Variants in LSM11 observed in about 807,000 individuals in gnomAD.
LSM11 encodes the protein U7 snRNA-associated Sm-like protein LSm11.
Under a neutral mutation model 28.1 loss-of-function variants are expected in LSM11, and 14 were observed. That is an observed-to-expected ratio of 0.50 (90% confidence interval 0.33 to 0.78). The LOEUF (loss-of-function observed/expected upper bound fraction) is 0.78, where lower values mean the gene tolerates loss of function less well. LSM11 is among the 30% of genes least tolerant of loss of function. The pLI is 0.02. For missense variants in LSM11, 495 were observed against 510.6 expected, an observed-to-expected ratio of 0.97 and a Z score of 0.30; for synonymous variants, 207 against 214.2, an observed-to-expected ratio of 0.97 and a Z score of 0.30.
intron 2 of LSM11, among the ~76,000 whole-genome samples, chr5:157,753,310 T>C (rs1184664787): frequency 6.9e-6 from 1 of 144,636 alleles, no homozygotes; most frequent in Non-Finnish European, 1.5e-5. Context: ...TGTTTTATTA[T>C]GATCTTTTTA....
At chr5:157,746,484 A>G (rs937538679) in intron 1 of LSM11, among the ~76,000 whole-genome samples, 4 of 152,256 alleles carry the variant, frequency 2.6e-5, no homozygotes, top group Non-Finnish European at 5.9e-5. Context: ...TGGAATGTTT[A>G]TGAAAAAACA....
chr5:157,755,471 A>C lies in LSM11; in HGVS notation c.*207A>C. ...CAGGCGTTTGCATTAATATCAAGGC[A>C]AAAAGCATTCATAGATACATGCATC... is the stretch of plus-strand genomic sequence containing the variant. On this transcript the variant is annotated 3_prime_UTR_variant, in exon 4 of 4. Transcript: ENST00000286307. 9 of 591,156 alleles carry C rather than the reference A, an allele frequency of 1.5e-5. No homozygotes were observed. The highest frequency in any genetic ancestry group is 2.7e-5 in the Non-Finnish European group (9 of 337,212). 36.6% of individuals were successfully genotyped at this position (591,156 alleles called of 1,614,324 possible).
chr5:157,743,906 C>T lies in LSM11; in HGVS notation c.156C>T (p.Cys52=), dbSNP rs1356191617. 3.3e-6 allele frequency: 5 copies of T among 1,522,884 alleles called. No homozygotes were observed. The highest frequency in any genetic ancestry group is 4.4e-6 in the Non-Finnish European group (5 of 1,134,978). The allele number at this position is 1,522,884 out of a possible 1,614,324, so 94.3% of individuals were successfully genotyped here. ...CCATTCCCTACCCCAATGCCCCCTG[C>T]TTCAACAACGTGGCGGAGTACGAGA... is the stretch of plus-strand genomic sequence containing the variant. ...LPPIPYPNAP[C]FNNVAEYESF... is the part of the protein sequence containing the mutation. The change falls in exon 1 of 4, where the codon TGC becomes TGT. Residue 52 remains cysteine (C), a synonymous_variant. Transcript: ENST00000286307.
chr5:157,756,188 C>A lies in LSM11; in HGVS notation c.*924C>A, dbSNP rs1761325033. On this transcript the variant is annotated 3_prime_UTR_variant, in exon 4 of 4. Coordinates refer to ENST00000286307, the MANE Select transcript of LSM11 (RefSeq NM_173491.4). ...CTGAGAGTCCCCTTTCCAGGCAGGG[C>A]CAGCATGTGTAGAATATCTTTCAGA... The A allele has an allele frequency of 6.5e-6, 1 of 153,392 alleles. No homozygotes were observed. Among genetic ancestry groups the A allele is most frequent in the Non-Finnish European group, 1.5e-5 (1 of 68,656 alleles). 9.5% of individuals were successfully genotyped at this position (153,392 alleles called of 1,614,324 possible). A position where few individuals can be genotyped will look rare whatever the true frequency, so the allele number is the denominator to read the frequency against.
chr5:157,753,977 GT>G, intron 2 of LSM11, 26 bp from the exon 3 acceptor site: 1 of 1,430,330 alleles, frequency 7.0e-7, no homozygotes, highest in South Asian at 1.5e-5. Context: ...TCTGTCTAAT[GT>G]TTTTCCTTTT....
Position 157,751,438 on chromosome 5 carries a change from G to A in LSM11, c.497G>A (p.Gly166Glu). Residue 166 changes from glycine to glutamate, a missense_variant, in exon 2 of 4, where the codon GGG (glycine) becomes GAG (glutamate). By Grantham distance (98) the Gly-to-Glu change is moderately conservative (BLOSUM62 -2). Coordinates refer to ENST00000286307, the MANE Select transcript of LSM11 (RefSeq NM_173491.4). The part of the protein sequence containing the change: ...LGELHRCIRE[G>E]VKVNVHIRTF... ...GAACTCCATCGCTGTATCCGTGAGG[G>A]GGTGAAGGTGAATGTTCACATCCGC... 6.2e-7 allele frequency: 1 copy of A among 1,612,232 alleles called. No homozygotes were observed. The highest frequency in any genetic ancestry group is 8.5e-7 in the Non-Finnish European group (1 of 1,179,320).
rs1440511214 is a variant in LSM11, at chr5:157,754,999, G to C, written c.818G>C (p.Gly273Ala). 2 of 1,614,068 alleles carry C rather than the reference G, an allele frequency of 1.2e-6. No homozygotes were observed. Among genetic ancestry groups the C allele is most frequent in the African/African-American group, 2.7e-5 (2 of 74,934 alleles). ...TGGGGAAGAGCAGACACTGGCCGGG[G>C]CTCACACAAGCGTTCCCGCTCTGTC... ...SVWGRADTGR[G>A]SHKRSRSVPS... Residue 273 changes from glycine to alanine, a missense_variant, in exon 4 of 4, where the codon GGC becomes GCC. Transcript: ENST00000286307.
intron 2 of LSM11, among the ~76,000 whole-genome samples, chr5:157,753,293 G>A (rs1761271165): frequency 6.6e-6 from 1 of 151,618 alleles, no homozygotes; most frequent in South Asian, 2.1e-4. Context: ...CAAAATGCAG[G>A]GAAAAATGTT....
In LSM11 at chr5:157,755,860, G is replaced by C. The variant is rs57694849; in HGVS notation, c.*596G>C. On this transcript the variant is annotated 3_prime_UTR_variant, in exon 4 of 4. Coordinates refer to ENST00000286307, the MANE Select transcript of LSM11 (RefSeq NM_173491.4). ...ATAGGCGGTATGCTCAAAGCAGCCAGCAATGAGTGCTCTGTTTTGATCCTT... is the reference window on the plus strand; with the variant it reads ...ATAGGCGGTATGCTCAAAGCAGCCACCAATGAGTGCTCTGTTTTGATCCTT... The C allele has an allele frequency of 0.012, 4,712 of 398,322 alleles. 192 individuals carry two copies. The highest frequency in any genetic ancestry group is 0.09 in the African/African-American group (4,366 of 48,616). 24.7% of individuals were successfully genotyped at this position (398,322 alleles called of 1,614,324 possible).
At position 157,744,120 on chromosome 5, in the gene LSM11, G is replaced by A. The variant is rs1221386942; in HGVS notation, c.370G>A (p.Asp124Asn). The part of the protein sequence containing the change: ...RRLMVAKEEG[D>N]GAAGAGRRGP... ...TCTCATGGTGGCCAAAGAGGAAGGG[G>A]ACGGGGCCGCAGGAGCGGGCCGGAG... The change falls in exon 1 of 4, where the codon GAC becomes AAC. Residue 124 changes from aspartate to asparagine, a missense_variant. Physicochemically the swap from Asp to Asn is conservative, Grantham distance 23 (BLOSUM62 1). Transcript: ENST00000286307. 12 of 1,481,924 alleles carry A rather than the reference G, an allele frequency of 8.1e-6. No homozygotes were observed. Among genetic ancestry groups the A allele is most frequent in the Non-Finnish European group, 1.1e-5 (12 of 1,121,054 alleles). The allele number at this position is 1,481,924 out of a possible 1,614,324, so 91.8% of individuals were successfully genotyped here. A position where few individuals can be genotyped will look rare whatever the true frequency, so the allele number is the denominator to read the frequency against.
At chr5:157,749,764 G>A (rs1403923865) in intron 1 of LSM11, among the ~76,000 whole-genome samples, 9 of 152,252 alleles carry the variant, frequency 5.9e-5, no homozygotes, top group African/African-American at 7.2e-5. Flanking sequence ...TTCTCACACC[G>A]TTAATCTGAC....
At position 157,753,913 on chromosome 5, in the gene LSM11, T is replaced by TTA. The variant is rs1182938518; in HGVS notation, c.589-90_589-89dup. The TTA allele has an allele frequency of 4.4e-6, 4 of 898,958 alleles. No homozygotes were observed. The East Asian group carries it at 8.8e-5, about 20-fold the overall frequency. 55.7% of individuals were successfully genotyped at this position (898,958 alleles called of 1,614,324 possible). A position where few individuals can be genotyped will look rare whatever the true frequency, so the allele number is the denominator to read the frequency against. On this transcript the variant is annotated intron_variant, in intron 2 of 3. Coordinates refer to ENST00000286307, the MANE Select transcript of LSM11 (RefSeq NM_173491.4). ...AGTGTAGTTCTGCTCTGAATAGATG[T>TTA]TACTCTGCCTTTTTTTTTTTCCCTG... is the stretch of plus-strand genomic sequence containing the variant.
At chr5:157,744,240 C>T (rs1262746906) in intron 1 of LSM11, 42 bp downstream of exon 1, 3 of 1,232,306 alleles carry the variant, frequency 2.4e-6, no homozygotes, top group Non-Finnish European at 3.1e-6. Flanking sequence ...AGCCGCCGTC[C>T]GGAAGCTGGC....
chr5:157,746,866 T>C (rs1018311773), intron 1 of LSM11, among the ~76,000 whole-genome samples: 9 of 151,954 alleles, frequency 5.9e-5, no homozygotes, highest in African/African-American at 2.2e-4. Flanking sequence ...GCCGAGATCA[T>C]AGGGACATCA....
chr5:157,753,592 A>T (rs1761275714), intron 2 of LSM11, among the ~76,000 whole-genome samples: 2 of 152,232 alleles, frequency 1.3e-5, no homozygotes, highest in Admixed American at 6.5e-5. Context: ...AGTGGGATCT[A>T]AAGCCATCCT....
intron 1 of LSM11, among the ~76,000 whole-genome samples, chr5:157,750,868 A>C (rs1031792799): frequency 6.6e-6 from 1 of 151,396 alleles, no homozygotes; most frequent in Non-Finnish European, 1.5e-5. Flanking sequence ...TGCAACTTCC[A>C]CCTCCTGGGT....
intron 1 of LSM11, among the ~76,000 whole-genome samples, chr5:157,744,704 G>A (rs1761120295): frequency 6.6e-6 from 1 of 152,164 alleles, no homozygotes; most frequent in African/African-American, 2.4e-5. Context: ...AATATTAGGG[G>A]AAGGAGAGTA....
Position 157,751,372 on chromosome 5 carries a change from GTTC to G in LSM11, c.449-13_449-11del, listed in dbSNP as rs1253644703. ...GGCAGATATTAAAACTGTCCTGACT[GTTC>G]TTCTCTTGTTTCAGTGCACGAAGGC... On this transcript the variant is annotated splice_polypyrimidine_tract_variant and intron_variant, in intron 1 of 3. Transcript: ENST00000286307. 2 of 1,572,872 alleles carry G rather than the reference GTTC, an allele frequency of 1.3e-6. No homozygotes were observed. The highest frequency in any genetic ancestry group is 1.7e-6 in the Non-Finnish European group (2 of 1,163,342).
rs748295411 is a variant in LSM11 at position 157,755,066 on chromosome 5, A to G, written c.885A>G (p.Ser295=). 1 of 1,614,256 alleles carries G rather than the reference A, an allele frequency of 6.2e-7. No homozygotes were observed. Among genetic ancestry groups the G allele is most frequent in the South Asian group, 1.1e-5 (1 of 91,090 alleles). The change falls in exon 4 of 4, where the codon TCA becomes TCG. Residue 295 remains serine, a synonymous_variant. Coordinates refer to ENST00000286307, the MANE Select transcript of LSM11 (RefSeq NM_173491.4). ...LQASAREESR[S]ELSGRTTRTD... is the part of the protein sequence containing the mutation. ...CCTCTGCAAGGGAGGAGTCCAGGTC[A>G]GAGCTGTCAGGGAGGACTACACGGA...
Sources: gnomAD v4.1 joint callset for allele counts (sites outside exome capture counted in the v4.1 genomes callset) on GRCh38, gnomAD v4.1.1 for gene constraint, MANE v1.5 for transcripts, NCBI Gene and HGNC (gene_info 2026-07-23, HGNC 2026-07-21) for gene names.